CFAP299: variants seen among roughly 807,000 people sequenced by gnomAD.
CFAP299 encodes cilia- and flagella-associated protein 299.
In CFAP299, 21 loss-of-function variants were observed where a neutral mutation model predicts 27.0. That is an observed-to-expected ratio of 0.78 (90% CI 0.55 to 1.12). CFAP299 has a LOEUF of 1.12. Among genes scored for constraint, CFAP299 ranks in the 50% most tolerant of loss-of-function variants. CFAP299 has a pLI of 0.00. For missense variants in CFAP299, 310 were observed against 276.6 expected, an observed-to-expected ratio of 1.12 and a Z score of -0.86; for synonymous variants, 104 against 98.1, an observed-to-expected ratio of 1.06 and a Z score of -0.36.
chr4:80,430,056 T>G (rs771713072), intron 2 of CFAP299, among the ~76,000 whole-genome samples: 23 of 152,306 alleles, frequency 1.5e-4, no homozygotes, highest in Admixed American at 4.6e-4. Flanking sequence ...TTAAATCTAA[T>G]AAGCATTTTA....
At chr4:80,381,166 A>G (rs1560538485) in intron 2 of CFAP299, among the ~76,000 whole-genome samples, 1 of 152,208 alleles carries the variant, frequency 6.6e-6, no homozygotes. Context: ...CAAACCAATA[A>G]CAAAATGCCT....
chr4:80,815,307 A>G (rs1457127030), intron 3 of CFAP299, among the ~76,000 whole-genome samples: 1 of 151,992 alleles, frequency 6.6e-6, no homozygotes, highest in East Asian at 1.9e-4. Flanking sequence ...AGATATGTAT[A>G]TATATATTCA....
intron 2 of CFAP299, among the ~76,000 whole-genome samples, chr4:80,503,711 A>G (rs1731853131): frequency 1.3e-5 from 2 of 152,140 alleles, no homozygotes; most frequent in South Asian, 2.1e-4. Context: ...TTTAAATTAT[A>G]TATCTTCCAC....
intron 2 of CFAP299, among the ~76,000 whole-genome samples, chr4:80,437,519 A>G (rs754270352): frequency 2.6e-5 from 4 of 152,152 alleles, no homozygotes; most frequent in Non-Finnish European, 5.9e-5. Flanking sequence ...TACCCTGTAC[A>G]CTTACTGAGT....
intron 3 of CFAP299, among the ~76,000 whole-genome samples, chr4:80,776,701 A>G (rs1219720156): frequency 6.6e-6 from 1 of 152,082 alleles, no homozygotes. Context: ...ATGTATACCT[A>G]TGTAACAAAC....
chr4:80,818,847 T>G (rs1729555641), intron 3 of CFAP299, among the ~76,000 whole-genome samples: 1 of 152,130 alleles, frequency 6.6e-6, no homozygotes, highest in Admixed American at 6.6e-5. Context: ...ACAGAATACT[T>G]AAGCATGAAT....
chr4:80,492,041 T>G (rs1731161793), intron 2 of CFAP299, among the ~76,000 whole-genome samples: 1 of 152,186 alleles, frequency 6.6e-6, no homozygotes, highest in Non-Finnish European at 1.5e-5. Context: ...TACCTTAATC[T>G]TTATCTTAAC....
chr4:80,412,123 A>G (rs1726749643), intron 2 of CFAP299, among the ~76,000 whole-genome samples: 1 of 152,154 alleles, frequency 6.6e-6, no homozygotes, highest in African/African-American at 2.4e-5. Flanking sequence ...ATTCATAACC[A>G]AGCAATCTAG....
intron 3 of CFAP299, among the ~76,000 whole-genome samples, chr4:80,626,164 T>G (rs1738889713): frequency 6.6e-6 from 1 of 151,956 alleles, no homozygotes. Context: ...CTTAACAAAT[T>G]TATGAAGGTT....
chr4:80,898,027 C>G (rs1207879036), intron 4 of CFAP299, among the ~76,000 whole-genome samples: 1 of 152,068 alleles, frequency 6.6e-6, no homozygotes, highest in African/African-American at 2.4e-5. Context: ...GGCCTCATGA[C>G]AGTGTCCAGT....
At chr4:80,394,261 A>T (rs1354958017) in intron 2 of CFAP299, among the ~76,000 whole-genome samples, 4 of 152,008 alleles carry the variant, frequency 2.6e-5, no homozygotes, top group Non-Finnish European at 5.9e-5. Context: ...ATCCATTCAG[A>T]TCCTTTGACT....
intron 2 of CFAP299, among the ~76,000 whole-genome samples, chr4:80,534,084 C>T (rs1032121867): frequency 6.6e-6 from 1 of 151,942 alleles, no homozygotes; most frequent in African/African-American, 2.4e-5. Flanking sequence ...CTAACATCTA[C>T]CATGCTACAT....
At chr4:80,777,703 C>T (rs1404036885) in intron 3 of CFAP299, among the ~76,000 whole-genome samples, 1 of 152,108 alleles carries the variant, frequency 6.6e-6, no homozygotes, top group African/African-American at 2.4e-5. Flanking sequence ...TCAAAGAAGA[C>T]ATTTATAAGA....
At chr4:80,794,955 G>A (rs1486236143) in intron 3 of CFAP299, among the ~76,000 whole-genome samples, 1 of 152,172 alleles carries the variant, frequency 6.6e-6, no homozygotes, top group Non-Finnish European at 1.5e-5. Context: ...CAACCTTGGT[G>A]AGTGGAAGCC....
At chr4:80,944,450 C>A (rs1009799028) in intron 4 of CFAP299, among the ~76,000 whole-genome samples, 1 of 152,154 alleles carries the variant, frequency 6.6e-6, no homozygotes, top group African/African-American at 2.4e-5. Context: ...AGTGAGCCCT[C>A]CCTTCCAGTA....
At chr4:80,869,855 A>G in intron 3 of CFAP299, 138 bp from the exon 4 acceptor site, 1 of 780,614 alleles carries the variant, frequency 1.3e-6, no homozygotes, top group Non-Finnish European at 2.0e-6. Flanking sequence ...GAAGCTGTTC[A>G]ATGTTATAAC....
At chr4:80,835,258 C>T (rs926781560) in intron 3 of CFAP299, among the ~76,000 whole-genome samples, 1 of 152,040 alleles carries the variant, frequency 6.6e-6, no homozygotes, top group Non-Finnish European at 1.5e-5. Flanking sequence ...CGTCACCACG[C>T]CTGGCTAATT....
At chr4:80,763,933 T>C (rs1725693677) in intron 3 of CFAP299, among the ~76,000 whole-genome samples, 1 of 152,210 alleles carries the variant, frequency 6.6e-6, no homozygotes, top group African/African-American at 2.4e-5. Flanking sequence ...ACCCCTTCCT[T>C]ATACCTTATA....
intron 5 of CFAP299, 114 bp downstream of exon 5, chr4:80,945,053 G>T: frequency 9.5e-7 from 1 of 1,049,004 alleles, no homozygotes; most frequent in South Asian, 1.4e-5. Context: ...ATTTAGAAAG[G>T]AAATAACATT....
Sources: allele counts gnomAD v4.1 joint callset (sites outside exome capture counted in the v4.1 genomes callset), GRCh38; gene constraint gnomAD v4.1.1; transcripts MANE v1.5; gene names NCBI Gene and HGNC (gene_info 2026-07-23, HGNC 2026-07-21).